The following SEMA3A variants were observed in gnomAD, a reference collection of about 807,000 sequenced individuals.
SEMA3A encodes semaphorin-3A.
Under a neutral mutation model 97.9 loss-of-function variants are expected in SEMA3A, and 29 were observed. The ratio of observed to expected loss-of-function variants is 0.30; its 90% CI spans 0.22 to 0.40. SEMA3A has a LOEUF of 0.40. Among genes scored for constraint, SEMA3A ranks in the 10% least tolerant of loss-of-function variants. The probability of loss-of-function intolerance (pLI) is 1.00; values close to 1 mark genes in which losing one functional copy is unlikely to be tolerated. For missense variants in SEMA3A, 763 were observed against 951.3 expected (o/e 0.80, Z 2.60); for synonymous variants, 321 against 323.7 (o/e 0.99, Z 0.09).
intron 1 of SEMA3A, among the ~76,000 whole-genome samples, chr7:84,176,995 T>C (rs1797588331): frequency 6.6e-6 from 1 of 152,092 alleles, no homozygotes; most frequent in African/African-American, 2.4e-5. Flanking sequence ...CTTGGCAGTA[T>C]TTTTGGAATA....
chr7:83,978,502 A>C (rs1789263539), intron 14 of SEMA3A, among the ~76,000 whole-genome samples: 1 of 152,182 alleles, frequency 6.6e-6, no homozygotes, highest in Non-Finnish European at 1.5e-5. Context: ...ATTGGGGGAC[A>C]CTTGCCCAAG....
chr7:84,002,386 A>ATTAT (rs1261626370), intron 11 of SEMA3A, among the ~76,000 whole-genome samples: 2 of 152,322 alleles, frequency 1.3e-5, no homozygotes, highest in East Asian at 3.9e-4. Flanking sequence ...AATTCTTTTC[A>ATTAT]TTATTTCTAA....
At chr7:84,361,790 T>C (rs768874686) in intron 2 of SEMA3A, among the ~76,000 whole-genome samples, 1 of 152,014 alleles carries the variant, frequency 6.6e-6, no homozygotes, top group Non-Finnish European at 1.5e-5. Context: ...AGCATCTTTA[T>C]GGGTAGGCCA....
At chr7:84,012,071 C>T (rs191692453) in intron 7 of SEMA3A, among the ~76,000 whole-genome samples, 133 of 152,056 alleles carry the variant, frequency 8.7e-4, no homozygotes, top group African/African-American at 2.8e-3. Context: ...TGGTGGTTAC[C>T]AGGGCCTTTG....
intron 1 of SEMA3A, among the ~76,000 whole-genome samples, chr7:84,379,227 G>A (rs908676637): frequency 6.6e-6 from 1 of 151,852 alleles, no homozygotes; most frequent in African/African-American, 2.4e-5. Context: ...GTGCCCAGCC[G>A]TGACAATATT....
chr7:84,466,548 A>G (rs1806004369), intron 1 of SEMA3A, among the ~76,000 whole-genome samples: 1 of 152,222 alleles, frequency 6.6e-6, no homozygotes, highest in South Asian at 2.1e-4. Context: ...TAGCAGGCCT[A>G]TGAATTCTCT....
At chr7:84,092,640 G>T (rs1794636179) in intron 4 of SEMA3A, among the ~76,000 whole-genome samples, 1 of 151,996 alleles carries the variant, frequency 6.6e-6, no homozygotes, top group Non-Finnish European at 1.5e-5. Flanking sequence ...TTTAAGCAAA[G>T]GGCATGAAAT....
At chr7:84,148,274 A>C (rs535557033) in intron 1 of SEMA3A, among the ~76,000 whole-genome samples, 1 of 151,676 alleles carries the variant, frequency 6.6e-6, no homozygotes, top group African/African-American at 2.4e-5. Flanking sequence ...GAGAACATTG[A>C]TATGGCATTC....
intron 9 of SEMA3A, among the ~76,000 whole-genome samples, chr7:84,010,657 A>G (rs1291991841): frequency 6.6e-6 from 1 of 152,156 alleles, no homozygotes; most frequent in East Asian, 1.9e-4. Flanking sequence ...TTTTAAATTA[A>G]TTTTTCCATC....
intron 3 of SEMA3A, among the ~76,000 whole-genome samples, chr7:84,111,441 T>C (rs1046731479): frequency 5.9e-5 from 9 of 152,186 alleles, no homozygotes; most frequent in Non-Finnish European, 1.0e-4. Flanking sequence ...CCAAATGACA[T>C]CTGTATTCTA....
intron 1 of SEMA3A, among the ~76,000 whole-genome samples, chr7:84,413,406 T>C (rs931322265): frequency 3.3e-5 from 5 of 152,228 alleles, no homozygotes; most frequent in African/African-American, 7.2e-5. Flanking sequence ...GTCAGGAGGA[T>C]TGCTTGAGCC....
rs185040031 is a variant in SEMA3A at position 84,420,768 on chromosome 7, T to G, written c.-245-48868A>C. ...TTCATTTCTTCTAGATTTTCTAGTT[T>G]ATTTGCCTAGAGGTGTATATAGTAT... On this transcript the variant is annotated intron_variant, in intron 1 of 3. Coordinates refer to the SEMA3A transcript ENST00000424555. Among the ~76,000 whole-genome samples the G allele has an allele frequency of 7.5e-3, 1,137 of 152,214 alleles. 1 individual carries two copies. The highest frequency in any genetic ancestry group is 0.013 in the Non-Finnish European group (895 of 67,992).
intron 4 of SEMA3A, among the ~76,000 whole-genome samples, chr7:84,083,434 T>TC: frequency 6.6e-6 from 1 of 151,762 alleles, no homozygotes; most frequent in East Asian, 1.9e-4. Flanking sequence ...ATTCATCATT[T>TC]TTTTTGTGTG....
At chr7:84,275,598 G>T (rs193221659) in intron 3 of SEMA3A, among the ~76,000 whole-genome samples, 1 of 151,956 alleles carries the variant, frequency 6.6e-6, no homozygotes, top group African/African-American at 2.4e-5. Context: ...CTAGGGTGCA[G>T]CCAGGATTCT....
rs75983762 is a variant in SEMA3A at position 84,492,454 on chromosome 7, A to G, written c.-246+6T>C. ...AAAAGAAAGAAAGAAAATTTTTTCCACTTACTGCCTTTGTTGTCCTTTGTC... is the reference window on the plus strand; with the variant it reads ...AAAAGAAAGAAAGAAAATTTTTTCCGCTTACTGCCTTTGTTGTCCTTTGTC... On this transcript the variant is annotated splice_donor_region_variant and intron_variant, in intron 1 of 3. Transcript: ENST00000424555. 6 of 152,288 alleles carry G rather than the reference A, an allele frequency of 3.9e-5. No individual in the cohort carries two copies. In the East Asian group the frequency reaches 1.2e-3, roughly 29 times the overall value. The allele number at this position is 152,288 out of a possible 1,614,324, so 9.4% of individuals were successfully genotyped here. A position where few individuals can be genotyped will look rare whatever the true frequency, so the allele number is the denominator to read the frequency against.
At chr7:84,430,663 G>T (rs1804954745) in intron 1 of SEMA3A, among the ~76,000 whole-genome samples, 1 of 151,818 alleles carries the variant, frequency 6.6e-6, no homozygotes, top group Non-Finnish European at 1.5e-5. Context: ...AAAAAAGTAG[G>T]GTTCGTGGGA....
chr7:84,047,156 C>A (rs556617696), intron 5 of SEMA3A, among the ~76,000 whole-genome samples: 26 of 151,926 alleles, frequency 1.7e-4, no homozygotes, highest in Admixed American at 9.2e-4. Flanking sequence ...CATAATCACT[C>A]CAATGCAAGA....
chr7:84,193,190 G>C (rs929745852), intron 1 of SEMA3A, among the ~76,000 whole-genome samples: 1 of 151,830 alleles, frequency 6.6e-6, no homozygotes, highest in Admixed American at 6.6e-5. Context: ...CATTTAACGA[G>C]CACTAAGTCC....
intron 3 of SEMA3A, among the ~76,000 whole-genome samples, chr7:84,225,720 TGTG>T (rs2116345121): frequency 1.3e-5 from 2 of 152,218 alleles, no homozygotes; most frequent in African/African-American, 4.8e-5. Context: ...TCACACAGTA[TGTG>T]CTCTACCTTG....
Sources: gnomAD v4.1 joint callset for allele counts (sites outside exome capture counted in the v4.1 genomes callset) on GRCh38, gnomAD v4.1.1 for gene constraint, MANE v1.5 for transcripts, NCBI Gene and HGNC (gene_info 2026-07-23, HGNC 2026-07-21) for gene names.